SPINK5: variants seen among roughly 807,000 people sequenced by gnomAD.
The protein encoded by SPINK5 is serine peptidase inhibitor Kazal type 5, also known as serine protease inhibitor Kazal-type 5.
In SPINK5, 125 loss-of-function variants were observed where a neutral mutation model predicts 151.8. The observed-to-expected ratio is 0.82, with a 90% CI of 0.71 to 0.96. The LOEUF (loss-of-function observed/expected upper bound fraction) is 0.96, where lower values mean the gene tolerates loss of function less well. Among genes scored for constraint, SPINK5 ranks in the 40% least tolerant of loss-of-function variants. The pLI, the probability that SPINK5 is intolerant of heterozygous loss-of-function variation, is 0.00. For synonymous variants in SPINK5, 374 were observed against 395.3 expected, an observed-to-expected ratio of 0.95 and a Z score of 0.64; for missense variants, 1,194 against 1,291.9, an observed-to-expected ratio of 0.92 and a Z score of 1.16.
chr5:148,116,145 T>C (rs1754082508), intron 21 of SPINK5, among the ~76,000 whole-genome samples: 1 of 152,140 alleles, frequency 6.6e-6, no homozygotes, highest in Non-Finnish European at 1.5e-5. Flanking sequence ...TTGTTTATGG[T>C]GATATATATG....
intron 14 of SPINK5, 71 bp downstream of exon 14, chr5:148,101,507 C>A (rs1405116228): frequency 4.0e-6 from 5 of 1,240,974 alleles, no homozygotes; most frequent in South Asian, 1.2e-5. Context: ...TCAGGGAACA[C>A]GTGCATTCCT....
rs1753995171 is a variant in SPINK5, at chr5:148,113,351, G to A, written c.1887+417G>A. 2.0e-5 allele frequency among the ~76,000 whole-genome samples: 3 copies of A among 152,142 alleles called. 1 individual carries two copies. The South Asian group carries it at 6.2e-4, about 31-fold the overall frequency. On this transcript the variant is annotated intron_variant, in intron 20 of 32. Coordinates refer to ENST00000256084, the MANE Select transcript of SPINK5 (RefSeq NM_006846.4). ...AAGAACTTGCATGTAAAGTTAATGG[G>A]AGTATGAGTATCAGTACCAATAGCT...
At chr5:148,120,891 T>C (rs1173426026) in intron 26 of SPINK5, among the ~76,000 whole-genome samples, 1 of 151,808 alleles carries the variant, frequency 6.6e-6, no homozygotes, top group Admixed American at 6.6e-5. Context: ...AGGCCTATAA[T>C]CCCAGCACTT....
intron 4 of SPINK5, 102 bp from the exon 5 acceptor site, chr5:148,086,303 A>G: frequency 6.9e-7 from 1 of 1,454,582 alleles, no homozygotes; most frequent in Non-Finnish European, 9.3e-7. Context: ...TTTCTTCTCC[A>G]GCAATTTACA....
At chr5:148,124,718 A>G (rs1251510532) in intron 27 of SPINK5, 47 bp from the exon 28 acceptor site, 2 of 1,461,162 alleles carry the variant, frequency 1.4e-6, no homozygotes, top group Non-Finnish European at 1.8e-6. Context: ...CAATTCAGTA[A>G]CAACCCTTGA....
At chr5:148,108,893 G>A in intron 18 of SPINK5, 56 bp downstream of exon 18, 2 of 1,603,920 alleles carry the variant, frequency 1.2e-6, no homozygotes, top group Non-Finnish European at 1.7e-6. Context: ...CTCTCCCTAG[G>A]GAGGGCTCCT....
At position 148,137,088 on chromosome 5, in the gene SPINK5, G is replaced by C. The variant is rs1754714418; in HGVS notation, c.*97G>C. ...ATATACAAAGAATTCTTCGGAGCTT[G>C]TCTTATTTGCTATAGAAAACAATAC... On this transcript the variant is annotated 3_prime_UTR_variant, in exon 33 of 33. Coordinates refer to ENST00000256084, the MANE Select transcript of SPINK5 (RefSeq NM_006846.4). The C allele has an allele frequency of 1.3e-6, 2 of 1,505,484 alleles. No homozygotes were observed. The allele number at this position is 1,505,484 out of a possible 1,614,324, so 93.3% of individuals were successfully genotyped here. A position where few individuals can be genotyped will look rare whatever the true frequency, so the allele number is the denominator to read the frequency against.
At chr5:148,132,443 G>A (rs528590367) in intron 31 of SPINK5, among the ~76,000 whole-genome samples, 2 of 152,148 alleles carry the variant, frequency 1.3e-5, no homozygotes, top group Admixed American at 6.5e-5. Context: ...GTAAGGTATG[G>A]TAGGTATGGT....
At chr5:148,095,392 G>T (rs552882370) in intron 9 of SPINK5, among the ~76,000 whole-genome samples, 7 of 152,032 alleles carry the variant, frequency 4.6e-5, no homozygotes, top group African/African-American at 1.4e-4. Flanking sequence ...TATGAATGAA[G>T]ATCTCCCACT....
chr5:148,068,643 T>C (rs1453162425), intron 2 of SPINK5, among the ~76,000 whole-genome samples: 1 of 145,612 alleles, frequency 6.9e-6, no homozygotes, highest in African/African-American at 2.5e-5. Context: ...GGAGCCTAAA[T>C]AGAAACCTTT....
chr5:148,084,679 A>C (rs1753107030), intron 4 of SPINK5, among the ~76,000 whole-genome samples: 1 of 151,900 alleles, frequency 6.6e-6, no homozygotes, highest in South Asian at 2.1e-4. Flanking sequence ...TTGAGAGAAA[A>C]CCAAGAGCCA....
At chr5:148,096,870 C>T (rs1486494776) in intron 10 of SPINK5, among the ~76,000 whole-genome samples, 2 of 151,246 alleles carry the variant, frequency 1.3e-5, no homozygotes, top group Admixed American at 6.6e-5. Flanking sequence ...GCTATCCTCA[C>T]ACCTCAGCTT....
At position 148,120,286 on chromosome 5, in the gene SPINK5, TC is replaced by T. The variant is rs1561701516; in HGVS notation, c.2442-3del. On this transcript the variant is annotated splice_region_variant and splice_polypyrimidine_tract_variant and intron_variant, in intron 25 of 32. Coordinates refer to ENST00000256084, the MANE Select transcript of SPINK5 (RefSeq NM_006846.4). Reference sequence around the variant, plus strand: ...CTTTGATTGAAATGTTTCATTGTTTTCCCCCCAGGGAAAGGGAAGCAGCTGA... The same window carrying T: ...CTTTGATTGAAATGTTTCATTGTTTTCCCCCAGGGAAAGGGAAGCAGCTGA... The T allele has an allele frequency of 1.2e-6, 2 of 1,604,036 alleles. No homozygotes were observed. The highest frequency in any genetic ancestry group is 1.6e-4 in the Middle Eastern group (1 of 6,082).
chr5:148,111,651 C>T, intron 18 of SPINK5, 117 bp from the exon 19 acceptor site: 1 of 1,494,334 alleles, frequency 6.7e-7, no homozygotes, highest in Non-Finnish European at 9.2e-7. Context: ...TATCAACCTT[C>T]AGCATCACCT....
intron 26 of SPINK5, among the ~76,000 whole-genome samples, chr5:148,122,316 A>G (rs1754291128): frequency 6.6e-6 from 1 of 152,230 alleles, no homozygotes; most frequent in South Asian, 2.1e-4. Context: ...GTTGTGAGAC[A>G]TTTAATATGT....
At chr5:148,118,624 G>C in intron 23 of SPINK5, 60 bp downstream of exon 23, 2 of 1,597,658 alleles carry the variant, frequency 1.3e-6, no homozygotes, top group Non-Finnish European at 1.7e-6. Flanking sequence ...TGAATGAATG[G>C]CTATTTCTCA....
chr5:148,076,388 C>CA (rs1176883093), intron 4 of SPINK5, among the ~76,000 whole-genome samples: 12 of 149,558 alleles, frequency 8.0e-5, no homozygotes, highest in Non-Finnish European at 1.3e-4. Flanking sequence ...GCCACAGAAG[C>CA]AAAAAAAGAA....
chr5:148,088,304 G>T (rs568350948), intron 5 of SPINK5, among the ~76,000 whole-genome samples: 44 of 151,904 alleles, frequency 2.9e-4, no homozygotes, highest in Non-Finnish European at 4.9e-4. Flanking sequence ...GTTAAAAAAA[G>T]ATTTCTATAA....
intron 30 of SPINK5, among the ~76,000 whole-genome samples, chr5:148,130,779 T>C (rs749422662): frequency 1.3e-5 from 2 of 152,114 alleles, no homozygotes; most frequent in African/African-American, 4.8e-5. Flanking sequence ...GATTTTCTGG[T>C]GAGAAAATTA....
Sources: allele counts gnomAD v4.1 joint callset (sites outside exome capture counted in the v4.1 genomes callset), GRCh38; gene constraint gnomAD v4.1.1; transcripts MANE v1.5; gene names NCBI Gene and HGNC (gene_info 2026-07-23, HGNC 2026-07-21).